The following CFAP61 variants were observed in gnomAD, a reference collection of about 807,000 sequenced individuals.
The protein encoded by CFAP61 is cilia and flagella associated protein 61.
Under a neutral mutation model 135.6 loss-of-function variants are expected in CFAP61, and 107 were observed. That is an observed-to-expected ratio of 0.79 (90% CI 0.67 to 0.93). The LOEUF (loss-of-function observed/expected upper bound fraction) is 0.93. CFAP61 is among the 40% of genes least tolerant of loss of function. CFAP61 has a pLI of 0.00. For missense variants in CFAP61, 1,507 were observed against 1,556.2 expected, an observed-to-expected ratio of 0.97 and a Z score of 0.53; for synonymous variants, 575 against 578.5, an observed-to-expected ratio of 0.99 and a Z score of 0.09.
At chr20:20,076,842 C>T (rs1005847553) in intron 6 of CFAP61, among the ~76,000 whole-genome samples, 13 of 152,098 alleles carry the variant, frequency 8.5e-5, no homozygotes, top group South Asian at 4.1e-4. Flanking sequence ...CTCCTGCTCA[C>T]GAGGTGGGTT....
Position 20,075,507 on chromosome 20 carries a change from T to TTTTTGACCCAC in CFAP61, c.466_467insCACTTTTGACC (p.Gln156ProfsTer12), listed in dbSNP as rs752084187. 1 of 1,613,992 alleles carries TTTTTGACCCAC rather than the reference T, an allele frequency of 6.2e-7. No homozygotes were observed. Among genetic ancestry groups the TTTTTGACCCAC allele is most frequent in the Non-Finnish European group, 8.5e-7 (1 of 1,179,854 alleles). The stretch of plus-strand genomic sequence containing the variant: ...GATTTAGGCTCAACTCTCATAACTG[T>TTTTTGACCCAC]TTTTGACCAAGTGGGGAACATCCCG... On this transcript the variant is annotated frameshift_variant, in exon 6 of 27. Coordinates refer to ENST00000245957, the MANE Select transcript of CFAP61 (RefSeq NM_015585.4). LOFTEE classifies it high-confidence loss of function.
intron 26 of CFAP61, 90 bp from the exon 27 acceptor site, chr20:20,360,120 C>A: frequency 1.0e-6 from 1 of 954,626 alleles, no homozygotes; most frequent in Non-Finnish European, 1.7e-6. Context: ...GCAGAGCTGA[C>A]TACTGTTGTT....
chr20:20,245,461 G>T (rs970441777), intron 18 of CFAP61, among the ~76,000 whole-genome samples: 6 of 152,086 alleles, frequency 3.9e-5, no homozygotes, highest in African/African-American at 1.4e-4. Flanking sequence ...CATCAGATCT[G>T]GTGAGACTTA....
At chr20:20,205,295 C>T (rs2056809360) in intron 17 of CFAP61, among the ~76,000 whole-genome samples, 1 of 152,190 alleles carries the variant, frequency 6.6e-6, no homozygotes, top group South Asian at 2.1e-4. Flanking sequence ...CACATGTAAA[C>T]AGTTACTGCA....
chr20:20,250,881 A>C (rs1312995773), intron 19 of CFAP61, among the ~76,000 whole-genome samples: 1 of 152,246 alleles, frequency 6.6e-6, no homozygotes, highest in African/African-American at 2.4e-5. Flanking sequence ...AGAAAATGGA[A>C]GCCAGTGCAG....
chr20:20,096,838 T>C (rs963373255), intron 7 of CFAP61, among the ~76,000 whole-genome samples: 1 of 152,248 alleles, frequency 6.6e-6, no homozygotes, highest in African/African-American at 2.4e-5. Flanking sequence ...AATTAAAATG[T>C]TTATTTTGGA....
At chr20:20,136,771 A>T (rs1466821308) in intron 8 of CFAP61, among the ~76,000 whole-genome samples, 1 of 152,152 alleles carries the variant, frequency 6.6e-6, no homozygotes, top group African/African-American at 2.4e-5. Flanking sequence ...TGGCGAAGTC[A>T]TGTTTTTCTG....
chr20:20,269,833 C>T (rs1206135643), intron 21 of CFAP61, among the ~76,000 whole-genome samples: 1 of 152,152 alleles, frequency 6.6e-6, no homozygotes. Flanking sequence ...AAGTGTACTG[C>T]AGTGCTATGA....
intron 8 of CFAP61, among the ~76,000 whole-genome samples, chr20:20,123,563 G>A (rs1466812705): frequency 1.3e-5 from 2 of 151,624 alleles, no homozygotes; most frequent in African/African-American, 4.9e-5. Context: ...GGCTGTATTT[G>A]GGTTTATTTC....
intron 25 of CFAP61, among the ~76,000 whole-genome samples, chr20:20,320,766 T>C (rs2057473468): frequency 6.6e-6 from 1 of 150,986 alleles, no homozygotes; most frequent in Non-Finnish European, 1.5e-5. Flanking sequence ...TAAGGAGTTA[T>C]TTTTGAGAAG....
chr20:20,319,658 A>G (rs2057335731), intron 25 of CFAP61, among the ~76,000 whole-genome samples: 1 of 152,212 alleles, frequency 6.6e-6, no homozygotes, highest in Non-Finnish European at 1.5e-5. Flanking sequence ...CTGTGAGCCA[A>G]TTAAACCTCT....
rs1216437091 is a variant in CFAP61 at position 20,054,022 on chromosome 20, T to TG, written c.-37+1431_-37+1432insG. 4.1e-3 allele frequency among the ~76,000 whole-genome samples: 610 copies of TG among 149,324 alleles called. 4 individuals carry two copies. The highest frequency in any genetic ancestry group is 0.013 in the African/African-American group (525 of 40,946). The stretch of plus-strand genomic sequence containing the variant: ...TGTGTTTTTTTTGTTTGTTTTTTTT[T>TG]TTTTTTTTTTTTAGGAAAAATGTAT... On this transcript the variant is annotated intron_variant, in intron 1 of 26. Coordinates refer to ENST00000245957, the MANE Select transcript of CFAP61 (RefSeq NM_015585.4).
At chr20:20,081,398 G>A (rs2046419572) in intron 6 of CFAP61, among the ~76,000 whole-genome samples, 1 of 152,200 alleles carries the variant, frequency 6.6e-6, no homozygotes, top group African/African-American at 2.4e-5. Context: ...AGGGATTATT[G>A]TAATAGAAAA....
intron 6 of CFAP61, among the ~76,000 whole-genome samples, chr20:20,084,591 T>C (rs952404491): frequency 6.6e-6 from 1 of 152,180 alleles, no homozygotes; most frequent in Non-Finnish European, 1.5e-5. Flanking sequence ...GCAGCCAGGC[T>C]GTGGAGGTGA....
At chr20:20,226,788 C>T (rs1288979398) in intron 17 of CFAP61, among the ~76,000 whole-genome samples, 1 of 152,132 alleles carries the variant, frequency 6.6e-6, no homozygotes, top group Non-Finnish European at 1.5e-5. Flanking sequence ...GTATCCTGAC[C>T]CAGTCACTGA....
intron 17 of CFAP61, among the ~76,000 whole-genome samples, chr20:20,214,012 T>C (rs2047861799): frequency 6.6e-6 from 1 of 152,072 alleles, no homozygotes; most frequent in Non-Finnish European, 1.5e-5. Flanking sequence ...AAAGGCTTCT[T>C]GGAGTTATTC....
intron 13 of CFAP61, 124 bp downstream of exon 13, chr20:20,169,584 C>T: frequency 1.2e-6 from 1 of 843,452 alleles, no homozygotes; most frequent in South Asian, 4.5e-5. Context: ...TAGAAGAGGT[C>T]TTGAGTAAGT....
At chr20:20,066,019 G>A (rs1423784719) in intron 2 of CFAP61, among the ~76,000 whole-genome samples, 1 of 152,046 alleles carries the variant, frequency 6.6e-6, no homozygotes, top group Non-Finnish European at 1.5e-5. Flanking sequence ...TCAAAAAGTG[G>A]GCAAACAGAC....
intron 25 of CFAP61, among the ~76,000 whole-genome samples, chr20:20,314,391 CAAA>C (rs528868861): frequency 1.7e-5 from 1 of 58,924 alleles, no homozygotes; most frequent in Non-Finnish European, 3.8e-5. Context: ...GACCCCATCT[CAAA>C]AAAAAAAAAA....
Sources: gnomAD v4.1 joint callset for allele counts (sites outside exome capture counted in the v4.1 genomes callset) on GRCh38, gnomAD v4.1.1 for gene constraint, MANE v1.5 for transcripts, NCBI Gene and HGNC (gene_info 2026-07-23, HGNC 2026-07-21) for gene names.